The following VWF variants were observed in gnomAD, a reference collection of about 807,000 sequenced individuals.
The protein encoded by VWF is von Willebrand factor, also known as Factor VIII related antigen.
VWF carries 176 observed loss-of-function variants against 308.6 expected under a neutral mutation model. That is an observed-to-expected ratio of 0.57 (90% CI 0.50 to 0.65). The LOEUF (loss-of-function observed/expected upper bound fraction) is 0.65. VWF is among the 30% of genes least tolerant of loss of function. VWF has a pLI of 0.00. For missense variants in VWF, 3,146 were observed against 3,648.2 expected (o/e 0.86, Z 3.55); for synonymous variants, 1,385 against 1,443.4 (o/e 0.96, Z 0.92).
intron 10 of VWF, among the ~76,000 whole-genome samples, chr12:6,068,920 C>T (rs1343535214): frequency 6.8e-6 from 1 of 146,238 alleles, no homozygotes; most frequent in African/African-American, 2.6e-5. Flanking sequence ...GCAGTGATGC[C>T]ATCACAGCTC....
chr12:5,971,704 G>A lies in VWF; in HGVS notation c.7443C>T (p.Phe2481=). The A allele has an allele frequency of 6.2e-7, 1 of 1,614,156 alleles. No individual in the cohort carries two copies. Among genetic ancestry groups the A allele is most frequent in the Non-Finnish European group, 8.5e-7 (1 of 1,179,998 alleles). ...ACTCGCCTTCATGCAGAACGTAAGT[G>A]AAGCCCTGGAAAAGCAGAAAAAACA... ...KPCEDSCRSG[F]TYVLHEGECC... Residue 2481 remains phenylalanine (F), a synonymous_variant, in exon 44 of 52, where the codon TTC becomes TTT. Coordinates refer to ENST00000261405, the MANE Select transcript of VWF (RefSeq NM_000552.5).
At chr12:6,089,081 C>G (rs10849382) in intron 6 of VWF, among the ~76,000 whole-genome samples, 4 of 151,300 alleles carry the variant, frequency 2.6e-5, no homozygotes, top group African/African-American at 9.7e-5. Flanking sequence ...TCTGCCACCC[C>G]GAACGGCCCT....
chr12:5,995,564 C>A (rs1017987034), intron 35 of VWF, among the ~76,000 whole-genome samples: 1 of 151,980 alleles, frequency 6.6e-6, no homozygotes. Context: ...ATCAGTTTTG[C>A]AGTTTTCTTT....
At chr12:6,013,885 C>T (rs1449260529) in intron 31 of VWF, among the ~76,000 whole-genome samples, 2 of 151,800 alleles carry the variant, frequency 1.3e-5, no homozygotes, top group African/African-American at 4.9e-5. Context: ...CTCCCTGTCC[C>T]CCGTCCTCAT....
At chr12:5,989,675 G>A (rs1329266449) in intron 38 of VWF, among the ~76,000 whole-genome samples, 4 of 152,164 alleles carry the variant, frequency 2.6e-5, no homozygotes, top group African/African-American at 9.7e-5. Context: ...CAGTGAAAGG[G>A]GAAAATAGCA....
chr12:5,991,720 G>T, intron 38 of VWF, 99 bp downstream of exon 38: 1 of 1,330,672 alleles, frequency 7.5e-7, no homozygotes, highest in Non-Finnish European at 1.1e-6. Context: ...AGTCAACCCT[G>T]CTGCCACAGT....
chr12:6,104,256 A>T (rs569527679), intron 5 of VWF, among the ~76,000 whole-genome samples: 3 of 152,298 alleles, frequency 2.0e-5, no homozygotes, highest in Admixed American at 2.0e-4. Context: ...AACGGTTATT[A>T]TTAAAAAGAC....
Position 5,969,307 on chromosome 12 carries a change from T to C in VWF, c.7633A>G (p.Arg2545Gly). ...RVKEEVFIQQ[R>G]NVSCPQLEVP... ...TCCAGCTGGGGGCAGGAGACGTTCC[T>C]TTGTTGTATAAAGACCTCCTCCTTC... The change falls in exon 45 of 52, where the codon AGG becomes GGG. Residue 2545 changes from arginine (R) to glycine (G), a missense_variant. Arg to Gly is a moderately radical substitution (Grantham distance 125, BLOSUM62 -2). Transcript: ENST00000261405. 1 of 1,614,186 alleles carries C rather than the reference T, an allele frequency of 6.2e-7. No individual in the cohort carries two copies. The highest frequency in any genetic ancestry group is 1.6e-4 in the Middle Eastern group (1 of 6,062).
intron 47 of VWF, among the ~76,000 whole-genome samples, chr12:5,966,667 T>C (rs1179956048): frequency 1.3e-5 from 2 of 149,812 alleles, no homozygotes; most frequent in African/African-American, 4.9e-5. Flanking sequence ...CCCGACTGTC[T>C]CACCGAGCTG....
At chr12:6,004,068 A>C (rs1344757041) in intron 34 of VWF, among the ~76,000 whole-genome samples, 3 of 152,004 alleles carry the variant, frequency 2.0e-5, no homozygotes, top group Admixed American at 6.5e-5. Context: ...TGATAATGTC[A>C]CTGGATATAT....
chr12:6,122,688 T>A, intron 2 of VWF: 1 of 507,908 alleles, frequency 2.0e-6, no homozygotes, highest in Non-Finnish European at 3.9e-6. Flanking sequence ...TGCAGTGCAG[T>A]GGAAAGGGTG....
intron 21 of VWF, among the ~76,000 whole-genome samples, chr12:6,030,239 C>T (rs766749308): frequency 2.0e-5 from 3 of 152,206 alleles, no homozygotes; most frequent in Non-Finnish European, 4.4e-5. Context: ...ATCTATCCCT[C>T]ACATGTCTGC....
intron 6 of VWF, among the ~76,000 whole-genome samples, chr12:6,084,094 A>G (rs747535832): frequency 3.9e-5 from 6 of 152,168 alleles, no homozygotes; most frequent in Non-Finnish European, 7.3e-5. Flanking sequence ...AAGTCCTGTC[A>G]CTCACAGCTG....
rs4764482 is a variant in VWF at position 6,060,567 on chromosome 12, T to C, written c.1533+2387A>G. Among the ~76,000 whole-genome samples the C allele has an allele frequency of 0.45, 68,142 of 151,870 alleles. 17,366 individuals carry two copies. The highest frequency in any genetic ancestry group is 0.72 in the East Asian group (3,710 of 5,150). On this transcript the variant is annotated intron_variant, in intron 13 of 51. Transcript: ENST00000261405. This position sits in a 1 kb window ranked among gnomAD's most constrained non-coding sequence, Gnocchi z 5.1. ...AAACCCACAAGATAGTCCCTTTCCATGAGCCCCAGGAATCTGTGTAAAGAA... is the reference window on the plus strand; with the variant it reads ...AAACCCACAAGATAGTCCCTTTCCACGAGCCCCAGGAATCTGTGTAAAGAA...
chr12:6,065,239 C>G lies in VWF; in HGVS notation c.1191G>C (p.Lys397Asn), dbSNP rs745975177. 6.2e-6 allele frequency: 10 copies of G among 1,613,980 alleles called. No homozygotes were observed. In the Admixed American group the frequency reaches 1.7e-4, roughly 27 times the overall value. ...ECLVTGQSHFKSFDNRYFTFS... is the reference protein window; with the variant it reads ...ECLVTGQSHFNSFDNRYFTFS... Reference sequence around the variant, plus strand: ...AGGTGAAGTATCTGTTGTCAAAGCTCTTGAAGTGTGATTGACCTGTGACAA... The same window carrying G: ...AGGTGAAGTATCTGTTGTCAAAGCTGTTGAAGTGTGATTGACCTGTGACAA... The change falls in exon 11 of 52, where the codon AAG (lysine) becomes AAC (asparagine). Residue 397 changes from lysine (K) to asparagine (N), a missense_variant. This residue lies in a region of VWF where 1,304 missense variants were observed against 1,353.0 expected (regional missense o/e 0.96). Transcript: ENST00000261405.
At chr12:6,078,587 T>G (rs1591904284) in intron 6 of VWF, among the ~76,000 whole-genome samples, 1 of 152,216 alleles carries the variant, frequency 6.6e-6, no homozygotes, top group Non-Finnish European at 1.5e-5. Flanking sequence ...AAAAATGCAC[T>G]CCCTGGGGTT....
intron 27 of VWF, 44 bp downstream of exon 27, chr12:6,021,856 G>A (rs756141810): frequency 6.2e-7 from 1 of 1,613,934 alleles, no homozygotes; most frequent in Non-Finnish European, 8.5e-7. Context: ...CCCTGGAGAA[G>A]CAATAAGATT....
intron 6 of VWF, among the ~76,000 whole-genome samples, chr12:6,086,888 A>G (rs1267820428): frequency 1.3e-5 from 2 of 152,180 alleles, no homozygotes; most frequent in East Asian, 1.9e-4. Flanking sequence ...GTGATTATTC[A>G]AAGTCAACAT....
chr12:5,995,287 A>G (rs569910613), intron 35 of VWF, among the ~76,000 whole-genome samples: 1 of 152,314 alleles, frequency 6.6e-6, no homozygotes, highest in Non-Finnish European at 1.5e-5. Context: ...ACATTCCACA[A>G]TGAATATAAT....
Sources: allele counts gnomAD v4.1 joint callset (sites outside exome capture counted in the v4.1 genomes callset), GRCh38; gene constraint gnomAD v4.1.1; regional missense constraint gnomAD v4.1.1; non-coding constraint Gnocchi (gnomAD v3.1); transcripts MANE v1.5; gene names NCBI Gene and HGNC (gene_info 2026-07-23, HGNC 2026-07-21).